The following ATP5PD variants were observed in gnomAD, a reference collection of about 807,000 sequenced individuals.
ATP5PD encodes ATP synthase peripheral stalk subunit d, mitochondrial.
In ATP5PD, 13 loss-of-function variants were observed where a neutral mutation model predicts 22.6. That is an observed-to-expected ratio of 0.58 (90% confidence interval 0.37 to 0.91). The LOEUF (loss-of-function observed/expected upper bound fraction) is 0.91. ATP5PD is among the 40% of genes least tolerant of loss of function. ATP5PD has a pLI of 0.00. For missense variants in ATP5PD, 165 were observed against 188.0 expected (o/e 0.88, Z 0.72); for synonymous variants, 51 against 65.0 (o/e 0.79, Z 1.03).
chr17:75,039,405 G>A, intron 4 of ATP5PD, 134 bp from the exon 5 acceptor site: 1 of 739,938 alleles, frequency 1.4e-6, no homozygotes. Flanking sequence ...CCCTGAGTGG[G>A]GGCGCTCACT....
At chr17:75,040,359 G>T in intron 3 of ATP5PD, 196 bp from the exon 4 acceptor site, 1 of 617,950 alleles carries the variant, frequency 1.6e-6, no homozygotes, top group Middle Eastern at 4.4e-4. Flanking sequence ...ATTAGACTGG[G>T]AACAGGAGCT....
At position 75,042,677 on chromosome 17, in the gene ATP5PD, TAA is replaced by T; in HGVS notation, c.-9-20_-9-19del. On this transcript the variant is annotated intron_variant, in intron 1 of 5. Coordinates refer to ENST00000301587, the MANE Select transcript of ATP5PD (RefSeq NM_006356.3). Reference sequence around the variant, plus strand: ...TTGGGATCCTGAAAAATAAGTCAAATAAAAACAAGGCTTTTTTATGAGGTGAA... The same window carrying T: ...TTGGGATCCTGAAAAATAAGTCAAATAAACAAGGCTTTTTTATGAGGTGAA... The T allele has an allele frequency of 6.3e-7, 1 of 1,588,324 alleles. No individual in the cohort carries two copies.
At chr17:75,040,058 A>G (rs1481231892) in intron 4 of ATP5PD, 34 bp downstream of exon 4, 2 of 1,610,890 alleles carry the variant, frequency 1.2e-6, no homozygotes, top group Non-Finnish European at 1.7e-6. Flanking sequence ...AGATCAAGAG[A>G]ATTTTAGAAT....
At chr17:75,042,848 T>C (rs2073174567) in intron 1 of ATP5PD, among the ~76,000 whole-genome samples, 189 bp from the exon 2 acceptor site, 1 of 150,184 alleles carries the variant, frequency 6.7e-6, no homozygotes. Flanking sequence ...ATCACTGCAC[T>C]CCAGCCTGGG....
At position 75,042,242 on chromosome 17, in the gene ATP5PD, T is replaced by G. The variant is rs2073168748; in HGVS notation, c.158A>C (p.Asp53Ala). Residue 53 changes from aspartate (D) to alanine (A), a missense_variant, in exon 3 of 6, where the codon GAC becomes GCC. Physicochemically the swap from Asp to Ala is moderately radical, Grantham distance 126. Transcript: ENST00000301587. Reference sequence around the variant, plus strand: ...CACATTGGCCTTGTAGTAAGCCCAGTCGATAGCTGGTGGATTCTCAGGTAA... The same window carrying G: ...CACATTGGCCTTGTAGTAAGCCCAGGCGATAGCTGGTGGATTCTCAGGTAA... ...AALPENPPAI[D>A]WAYYKANVAK... 1.9e-6 allele frequency: 3 copies of G among 1,614,188 alleles called. No homozygotes were observed. The highest frequency in any genetic ancestry group is 2.5e-6 in the Non-Finnish European group (3 of 1,180,012).
chr17:75,040,230 GC>G, intron 3 of ATP5PD, 67 bp from the exon 4 acceptor site: 1 of 1,586,060 alleles, frequency 6.3e-7, no homozygotes, highest in African/African-American at 1.3e-5. Context: ...GTGAGTCGTC[GC>G]CAATACACCC....
chr17:75,040,885 CAA>C (rs34981433), intron 3 of ATP5PD: 22 of 76,976 alleles, frequency 2.9e-4, no homozygotes, highest in Non-Finnish European at 3.1e-4. Context: ...GACTCCGTCT[CAA>C]AAAAAAAAAA....
rs1567986419 is a variant in ATP5PD at position 75,038,940 on chromosome 17, T to C, written c.478A>G (p.Asn160Asp). 2 of 1,612,554 alleles carry C rather than the reference T, an allele frequency of 1.2e-6. No homozygotes were observed. Among genetic ancestry groups the C allele is most frequent in the Non-Finnish European group, 1.7e-6 (2 of 1,179,558 alleles). Residue 160 changes from asparagine to aspartate, a missense_variant, in exon 6 of 6, where the codon AAT becomes GAT. Transcript: ENST00000301587. ...TCCTCCTGGACTCAATTTTATAAAT[T>C]CTCAATTGGTTGGTGAGGCCAATAG... ...YPYWPHQPIE[N>D]L
intron 1 of ATP5PD, among the ~76,000 whole-genome samples, chr17:75,043,729 TTGTG>T (rs955595761): frequency 1.3e-5 from 2 of 152,092 alleles, no homozygotes; most frequent in African/African-American, 4.8e-5. Flanking sequence ...TCCACCCAGA[TTGTG>T]TTTTATTCAC....
At chr17:75,043,723 C>T (rs62086354) in intron 1 of ATP5PD, among the ~76,000 whole-genome samples, 6,914 of 152,120 alleles carry the variant, frequency 0.045, 260 homozygotes, top group Non-Finnish European at 0.066. Context: ...GACATTTCCA[C>T]CCAGATTGTG....
At chr17:75,046,400 A>G (rs1242360815) in intron 1 of ATP5PD, among the ~76,000 whole-genome samples, 1 of 152,110 alleles carries the variant, frequency 6.6e-6, no homozygotes, top group Non-Finnish European at 1.5e-5. Flanking sequence ...TTTAATTCTT[A>G]AAAATCTATT....
At chr17:75,046,043 T>A (rs2073212212) in intron 1 of ATP5PD, among the ~76,000 whole-genome samples, 3 of 152,246 alleles carry the variant, frequency 2.0e-5, no homozygotes, top group African/African-American at 7.2e-5. Flanking sequence ...GGTCCCTGAT[T>A]TCCCGCAACA....
chr17:75,044,204 T>TAGTAGAGACAGGG lies in ATP5PD; in HGVS notation c.-9-1546_-9-1545insCCCTGTCTCTACT, dbSNP rs1567988354. Among the ~76,000 whole-genome samples, 825 of 111,096 alleles carry TAGTAGAGACAGGG rather than the reference T, an allele frequency of 7.4e-3. 9 individuals carry two copies. The highest frequency in any genetic ancestry group is 0.019 in the African/African-American group (296 of 15,180). The allele number at this position is 111,096 out of a possible 152,430, so 72.9% of individuals were successfully genotyped here. On this transcript the variant is annotated intron_variant, in intron 1 of 5. Coordinates refer to ENST00000301587, the MANE Select transcript of ATP5PD (RefSeq NM_006356.3). ...CACACCCAGCTAATTTTTGTATTTT[T>TAGTAGAGACAGGG]TTTTTTTTTTTTGAGACGGAGTCTC... is the stretch of plus-strand genomic sequence containing the variant.
Position 75,045,871 on chromosome 17 carries a change from G to T in ATP5PD, c.-10+1054C>A, listed in dbSNP as rs2073209831. The stretch of plus-strand genomic sequence containing the variant: ...AATCAGAAGAGTATTGACTGGGGAA[G>T]TGATAAGTGTCCATGAAATCTCTAC... On this transcript the variant is annotated intron_variant, in intron 1 of 5. Transcript: ENST00000301587. 2.0e-5 allele frequency among the ~76,000 whole-genome samples: 3 copies of T among 152,228 alleles called. No homozygotes were observed. The South Asian group carries it at 6.2e-4, about 31-fold the overall frequency.
At chr17:75,044,589 A>G (rs7217434) in intron 1 of ATP5PD, among the ~76,000 whole-genome samples, 117,788 of 151,026 alleles carry the variant, frequency 0.78, 46,902 homozygotes, top group East Asian at 0.94. Context: ...TGATCCACCC[A>G]CCTCAGCCTT....
intron 1 of ATP5PD, among the ~76,000 whole-genome samples, chr17:75,043,707 A>G (rs975472263): frequency 1.3e-5 from 2 of 152,074 alleles, no homozygotes; most frequent in Non-Finnish European, 2.9e-5. Flanking sequence ...CATAAAAGTT[A>G]ATAAAGACAT....
chr17:75,042,425 T>C, intron 2 of ATP5PD, 104 bp downstream of exon 2: 1 of 1,526,130 alleles, frequency 6.6e-7, no homozygotes, highest in Non-Finnish European at 8.9e-7. Flanking sequence ...GATTTCTTTA[T>C]ATGTTGTCAT....
intron 1 of ATP5PD, among the ~76,000 whole-genome samples, chr17:75,045,506 G>A (rs974465286): frequency 6.6e-6 from 1 of 152,162 alleles, no homozygotes; most frequent in Non-Finnish European, 1.5e-5. Context: ...ACGCCCCAGG[G>A]GGGCCAGTTC....
intron 3 of ATP5PD, 42 bp downstream of exon 3, chr17:75,042,139 G>A: frequency 6.5e-7 from 1 of 1,538,428 alleles, no homozygotes; most frequent in Non-Finnish European, 8.9e-7. Context: ...CCTACCCACA[G>A]GCATGTTACA....
Sources: gnomAD v4.1 joint callset for allele counts (sites outside exome capture counted in the v4.1 genomes callset) on GRCh38, gnomAD v4.1.1 for gene constraint, MANE v1.5 for transcripts, NCBI Gene and HGNC (gene_info 2026-07-23, HGNC 2026-07-21) for gene names.